The following TRA2B variants were observed in gnomAD, a reference collection of about 807,000 sequenced individuals.
TRA2B encodes transformer-2 protein homolog beta.
In TRA2B, 14 loss-of-function variants were observed where a neutral mutation model predicts 41.7. That is an observed-to-expected ratio of 0.34 (90% CI 0.22 to 0.53). The LOEUF (loss-of-function observed/expected upper bound fraction) is 0.53. TRA2B is among the 20% of genes least tolerant of loss of function. The pLI is 0.95. For synonymous variants in TRA2B, 130 were observed against 128.8 expected, an observed-to-expected ratio of 1.01 and a Z score of -0.06; for missense variants, 167 against 396.8, an observed-to-expected ratio of 0.42 and a Z score of 4.92.
chr3:185,917,747 T>C lies in TRA2B; in HGVS notation c.857-22A>G, dbSNP rs369961575. 3.7e-6 allele frequency: 6 copies of C among 1,610,142 alleles called. No individual in the cohort carries two copies. In the African/African-American group the frequency reaches 6.7e-5, roughly 18 times the overall value. On this transcript the variant is annotated intron_variant, in intron 8 of 8. Coordinates refer to ENST00000453386, the MANE Select transcript of TRA2B (RefSeq NM_004593.3). ...CGACCTGGGAAGAAAAGAATGAACATGCTTTAATATTAAGTGAACTAATTA... is the reference window on the plus strand; with the variant it reads ...CGACCTGGGAAGAAAAGAATGAACACGCTTTAATATTAAGTGAACTAATTA...
chr3:185,914,582 A>G lies in TRA2B; in HGVS notation c.*3133T>C, dbSNP rs189663792. 3.4e-4 allele frequency among the ~76,000 whole-genome samples: 52 copies of G among 152,282 alleles called. No homozygotes were observed. In the East Asian group the frequency reaches 6.9e-3, roughly 20 times the overall value. On this transcript the variant is annotated 3_prime_UTR_variant, in exon 9 of 9. Transcript: ENST00000453386. ...ATTCTTGTCACTTTTAAGTCTTTAC[A>G]TTATATATTAAAGATTACACATAAT...
Position 185,935,022 on chromosome 3 carries a change from T to G in TRA2B, c.36+2803A>C, listed in dbSNP as rs907956296. On this transcript the variant is annotated intron_variant, in intron 1 of 8. Transcript: ENST00000453386. ...TTACAATATTGAGAGGCTCAGAACATTACACTGCGTGCAAGACCAACATAC... is the reference window on the plus strand; with the variant it reads ...TTACAATATTGAGAGGCTCAGAACAGTACACTGCGTGCAAGACCAACATAC... 23 of 985,308 alleles carry G rather than the reference T, an allele frequency of 2.3e-5. No individual in the cohort carries two copies. In the Admixed American group the frequency reaches 1.4e-3, roughly 58 times the overall value. The allele number at this position is 985,308 out of a possible 1,614,324, so 61.0% of individuals were successfully genotyped here. A position where few individuals can be genotyped will look rare whatever the true frequency, so the allele number is the denominator to read the frequency against.
At chr3:185,921,260 C>A in intron 5 of TRA2B, 73 bp from the exon 6 acceptor site, 1 of 1,255,244 alleles carries the variant, frequency 8.0e-7, no homozygotes, top group South Asian at 1.2e-5. Flanking sequence ...ACTAGTAGGC[C>A]TTTTCTGACA....
chr3:185,918,713 A>G (rs1397047043), intron 7 of TRA2B, among the ~76,000 whole-genome samples: 1 of 152,160 alleles, frequency 6.6e-6, no homozygotes, highest in Non-Finnish European at 1.5e-5. Context: ...GAGTTTTGTA[A>G]AAGAAAATTC....
chr3:185,926,437 CTT>C (rs1743955848), intron 2 of TRA2B, among the ~76,000 whole-genome samples, 162 bp downstream of exon 2: 1 of 152,214 alleles, frequency 6.6e-6, no homozygotes, highest in African/African-American at 2.4e-5. Context: ...AGCCCAGGCT[CTT>C]AACCGCTTTT....
rs570017870 is a variant in TRA2B, at chr3:185,919,779, CAATA to C, written c.723-287_723-284del. Among the ~76,000 whole-genome samples, 207 of 151,820 alleles carry C rather than the reference CAATA, an allele frequency of 1.4e-3. 2 individuals are homozygous for C. The highest frequency in any genetic ancestry group is 2.0e-3 in the Admixed American group (31 of 15,250). The stretch of plus-strand genomic sequence containing the variant: ...ACAAATTTGTACCTTTAGTACCATT[CAATA>C]GAGTGATGCTTTAAATAAAAAAAGG... On this transcript the variant is annotated intron_variant, in intron 6 of 8. Coordinates refer to ENST00000453386, the MANE Select transcript of TRA2B (RefSeq NM_004593.3).
At chr3:185,922,273 A>G (rs920664919) in intron 4 of TRA2B, 147 bp from the exon 5 acceptor site, 1 of 493,916 alleles carries the variant, frequency 2.0e-6, no homozygotes, top group Non-Finnish European at 3.6e-6. Flanking sequence ...CAACTTACAA[A>G]TGTGTTGTTC....
At position 185,917,513 on chromosome 3, in the gene TRA2B, CTT is replaced by C; in HGVS notation, c.*200_*201del. The C allele has an allele frequency of 1.9e-6, 1 of 513,232 alleles. No homozygotes were observed. The highest frequency in any genetic ancestry group is 3.5e-6 in the Non-Finnish European group (1 of 288,058). 31.8% of individuals were successfully genotyped at this position (513,232 alleles called of 1,614,324 possible). On this transcript the variant is annotated 3_prime_UTR_variant, in exon 9 of 9. Transcript: ENST00000453386. ...TGCAAAACATACTTTTCTGAAAACA[CTT>C]AACTTGGAACAAAGCACCAAACTAC...
At chr3:185,926,769 T>C (rs1743968818) in intron 1 of TRA2B, 35 bp from the exon 2 acceptor site, 3 of 1,609,856 alleles carry the variant, frequency 1.9e-6, no homozygotes, top group Non-Finnish European at 2.5e-6. Flanking sequence ...ATTTGCACAC[T>C]TTCTGGGCAA....
Position 185,916,129 on chromosome 3 carries a change from A to G in TRA2B, c.*1586T>C, listed in dbSNP as rs1046134499. 6.6e-6 allele frequency: 1 copy of G among 152,216 alleles called. No individual in the cohort carries two copies. Among genetic ancestry groups the G allele is most frequent in the Non-Finnish European group, 1.5e-5 (1 of 68,042 alleles). The allele number at this position is 152,216 out of a possible 1,614,324, so 9.4% of individuals were successfully genotyped here. ...CATATTAATTTACCACAAGTTGGCAAACACTGAAAACACCCTGGACAGTAA... is the reference window on the plus strand; with the variant it reads ...CATATTAATTTACCACAAGTTGGCAGACACTGAAAACACCCTGGACAGTAA... On this transcript the variant is annotated 3_prime_UTR_variant, in exon 9 of 9. Transcript: ENST00000453386.
chr3:185,920,080 T>A (rs184683811), intron 6 of TRA2B, among the ~76,000 whole-genome samples: 218 of 152,320 alleles, frequency 1.4e-3, no homozygotes, highest in African/African-American at 4.9e-3. Flanking sequence ...TCTTTATTTT[T>A]AAACTATGAT....
At chr3:185,927,143 A>G (rs1014336679) in intron 1 of TRA2B, 1 of 152,340 alleles carries the variant, frequency 6.6e-6, no homozygotes, top group African/African-American at 2.4e-5. Flanking sequence ...AAAATCCTAT[A>G]TAATTTATAT....
intron 1 of TRA2B, among the ~76,000 whole-genome samples, chr3:185,933,094 T>G (rs193260076): frequency 6.6e-6 from 1 of 152,296 alleles, no homozygotes; most frequent in African/African-American, 2.4e-5. Context: ...TGGGAAATGT[T>G]TTCTGGCAGC....
Position 185,917,737 on chromosome 3 carries a change from A to T in TRA2B, c.857-12T>A, listed in dbSNP as rs770448147. The stretch of plus-strand genomic sequence containing the variant: ...GCTTTAATAGCGACCTGGGAAGAAA[A>T]GAATGAACATGCTTTAATATTAAGT... On this transcript the variant is annotated splice_polypyrimidine_tract_variant and intron_variant, in intron 8 of 8. Coordinates refer to ENST00000453386, the MANE Select transcript of TRA2B (RefSeq NM_004593.3). 1.3e-5 allele frequency: 21 copies of T among 1,612,520 alleles called. No homozygotes were observed. The South Asian group carries it at 2.2e-4, about 17-fold the overall frequency.
chr3:185,919,920 C>T (rs902373266), intron 6 of TRA2B, among the ~76,000 whole-genome samples: 60 of 152,252 alleles, frequency 3.9e-4, no homozygotes, highest in Middle Eastern at 3.4e-3. Flanking sequence ...AAATAGACAT[C>T]CATATACCTC....
intron 1 of TRA2B, among the ~76,000 whole-genome samples, chr3:185,930,671 T>G (rs866634214): frequency 3.9e-5 from 6 of 152,292 alleles, no homozygotes; most frequent in Middle Eastern, 6.8e-3. Flanking sequence ...CACTTGACCC[T>G]TCTACTCAGC....
At chr3:185,922,164 C>T (rs1417035323) in intron 4 of TRA2B, 38 bp from the exon 5 acceptor site, 5 of 1,476,406 alleles carry the variant, frequency 3.4e-6, no homozygotes, top group Non-Finnish European at 3.8e-6. Flanking sequence ...ACATCCTGAA[C>T]AAAGCCACTA....
intron 1 of TRA2B, chr3:185,935,312 A>G (rs981462375): frequency 1.1e-5 from 11 of 985,270 alleles, no homozygotes; most frequent in Non-Finnish European, 1.2e-5. Context: ...ACCCCTATAG[A>G]CAGATTTTAG....
At chr3:185,921,593 C>T (rs1328264155) in intron 5 of TRA2B, among the ~76,000 whole-genome samples, 1 of 152,012 alleles carries the variant, frequency 6.6e-6, no homozygotes, top group Admixed American at 6.6e-5. Flanking sequence ...TGAAAACCTG[C>T]CTCTACTAAA....
Sources: allele counts gnomAD v4.1 joint callset (sites outside exome capture counted in the v4.1 genomes callset), GRCh38; gene constraint gnomAD v4.1.1; transcripts MANE v1.5; gene names NCBI Gene and HGNC (gene_info 2026-07-23, HGNC 2026-07-21).